The following CELF2 variants were observed in gnomAD, a reference collection of about 807,000 sequenced individuals.
CELF2 encodes CUG triplet repeat RNA-binding protein 2.
CELF2 carries 8 observed loss-of-function variants against 62.6 expected under a neutral mutation model. The ratio of observed to expected loss-of-function variants is 0.13; its 90% CI spans 0.07 to 0.23. The LOEUF (loss-of-function observed/expected upper bound fraction) is 0.23. CELF2 is among the 10% of genes least tolerant of loss of function. The pLI is 1.00. For missense variants in CELF2, 333 were observed against 671.0 expected, an observed-to-expected ratio of 0.50 and a Z score of 5.56; for synonymous variants, 258 against 250.0, an observed-to-expected ratio of 1.03 and a Z score of -0.30.
the CELF2 span, among the ~76,000 whole-genome samples, chr10:10,686,061 G>A: frequency 6.6e-6 from 1 of 152,068 alleles, no homozygotes; most frequent in Non-Finnish European, 1.5e-5. Context: ...GCTGCTTAAT[G>A]TGACAGGACA....
chr10:10,470,020 C>T, the CELF2 span, among the ~76,000 whole-genome samples: 1 of 151,770 alleles, frequency 6.6e-6, no homozygotes, highest in South Asian at 2.1e-4. Flanking sequence ...AGAAAATGCT[C>T]ATTGCAGAAT....
At chr10:11,193,630 C>T (rs1050528410) in intron 2 of CELF2, among the ~76,000 whole-genome samples, 2 of 152,166 alleles carry the variant, frequency 1.3e-5, no homozygotes, top group African/African-American at 2.4e-5. Context: ...GAGGAAGAGA[C>T]TTAAACCCAC....
At chr10:10,625,717 A>T in the CELF2 span, among the ~76,000 whole-genome samples, 1 of 152,108 alleles carries the variant, frequency 6.6e-6, no homozygotes, top group African/African-American at 2.4e-5. Context: ...CCTTCAATCC[A>T]GCTCTCCATT....
the CELF2 span, among the ~76,000 whole-genome samples, chr10:10,727,450 A>G: frequency 6.6e-6 from 1 of 152,152 alleles, no homozygotes; most frequent in African/African-American, 2.4e-5. Flanking sequence ...ATCATCATCC[A>G]CAACACAGAA....
the CELF2 span, among the ~76,000 whole-genome samples, chr10:10,695,660 T>C: frequency 6.6e-6 from 1 of 152,166 alleles, no homozygotes; most frequent in Non-Finnish European, 1.5e-5. Flanking sequence ...GACGTAGATT[T>C]GGTCTTTTCA....
chr10:10,777,964 C>G, the CELF2 span, among the ~76,000 whole-genome samples: 1 of 152,146 alleles, frequency 6.6e-6, no homozygotes, highest in Non-Finnish European at 1.5e-5. Context: ...TTGACAACTT[C>G]AGGTCTCATT....
chr10:10,481,084 C>T, the CELF2 span, among the ~76,000 whole-genome samples: 2 of 152,166 alleles, frequency 1.3e-5, no homozygotes, highest in Admixed American at 1.3e-4. Context: ...AAAGATCTTG[C>T]TCAGTGTTAG....
At chr10:10,759,391 C>A in the CELF2 span, among the ~76,000 whole-genome samples, 1 of 148,298 alleles carries the variant, frequency 6.7e-6, no homozygotes, top group Non-Finnish European at 1.5e-5. Flanking sequence ...CTCACTGCAA[C>A]CTCTGCCTCT....
intron 5 of CELF2, among the ~76,000 whole-genome samples, chr10:11,262,038 AT>A (rs141643469): frequency 1.6e-3 from 241 of 152,152 alleles, no homozygotes; most frequent in Middle Eastern, 3.4e-3. Context: ...AAGGAGTTTA[AT>A]TTTTTTCCCC....
chr10:10,865,927 C>T (rs1204113007), intron 1 of CELF2, among the ~76,000 whole-genome samples: 2 of 151,554 alleles, frequency 1.3e-5, no homozygotes, highest in African/African-American at 4.9e-5. Flanking sequence ...TAATTTTGTT[C>T]TAAGTGATCA....
At chr10:11,100,742 A>C (rs1375254483) in intron 1 of CELF2, among the ~76,000 whole-genome samples, 1 of 152,216 alleles carries the variant, frequency 6.6e-6, no homozygotes, top group African/African-American at 2.4e-5. Flanking sequence ...TTTAAAGCAC[A>C]GAACAATGTT....
chr10:11,056,763 A>G (rs2065340850), intron 1 of CELF2, among the ~76,000 whole-genome samples: 1 of 152,240 alleles, frequency 6.6e-6, no homozygotes, highest in Admixed American at 6.5e-5. Flanking sequence ...TGAAGAAGAT[A>G]CTAAGAGCCA....
At chr10:11,085,564 T>A (rs1375632951) in intron 1 of CELF2, among the ~76,000 whole-genome samples, 1 of 152,142 alleles carries the variant, frequency 6.6e-6, no homozygotes, top group African/African-American at 2.4e-5. Context: ...AGTGACCTTG[T>A]TATTGGTACT....
At chr10:10,781,379 C>T in the CELF2 span, among the ~76,000 whole-genome samples, 1 of 152,078 alleles carries the variant, frequency 6.6e-6, no homozygotes, top group Non-Finnish European at 1.5e-5. Context: ...ATACAGAAGA[C>T]TGGTTAATTT....
At chr10:11,154,874 G>C (rs672510) in intron 1 of CELF2, among the ~76,000 whole-genome samples, 3 of 151,932 alleles carry the variant, frequency 2.0e-5, no homozygotes, top group African/African-American at 7.3e-5. Context: ...TCCCGGACAA[G>C]ATGACAAAAA....
At chr10:10,897,531 T>C (rs897700757) in intron 1 of CELF2, among the ~76,000 whole-genome samples, 2 of 152,174 alleles carry the variant, frequency 1.3e-5, no homozygotes, top group Non-Finnish European at 2.9e-5. Context: ...TCTCAACCTA[T>C]CCAGATAATA....
rs953695863 is a variant in CELF2, at chr10:11,017,970, G to C, written c.-120G>C. On this transcript the variant is annotated 5_prime_UTR_variant, in exon 1 of 13. Coordinates refer to ENST00000633077, the MANE Select transcript of CELF2 (RefSeq NM_001326342.2). The surrounding 1 kb of genome is among the most constrained non-coding windows in gnomAD (Gnocchi z 5.5). ...GCGAGGAGAGAATGTGACAAGTGCCGGCTCGGCGGCCGCCGGGGGAGGCCG... is the reference window on the plus strand; with the variant it reads ...GCGAGGAGAGAATGTGACAAGTGCCCGCTCGGCGGCCGCCGGGGGAGGCCG... 2.7e-5 allele frequency: 27 copies of C among 988,630 alleles called. No homozygotes were observed. Among genetic ancestry groups the C allele is most frequent in the Non-Finnish European group, 3.2e-5 (27 of 833,548 alleles). 61.2% of individuals were successfully genotyped at this position (988,630 alleles called of 1,614,324 possible).
In CELF2 at chr10:11,321,477, A is replaced by C; in HGVS notation, c.1294+91A>C. The C allele has an allele frequency of 1.0e-6, 1 of 990,598 alleles. No homozygotes were observed. Among genetic ancestry groups the C allele is most frequent in the Non-Finnish European group, 1.5e-6 (1 of 678,522 alleles). The allele number at this position is 990,598 out of a possible 1,614,324, so 61.4% of individuals were successfully genotyped here. A position where few individuals can be genotyped will look rare whatever the true frequency, so the allele number is the denominator to read the frequency against. Reference sequence around the variant, plus strand: ...GTTAGAAGGTATCAAATTGAACTGAACCCATGTCATAACAGAAAGCAGTTG... The same window carrying C: ...GTTAGAAGGTATCAAATTGAACTGACCCCATGTCATAACAGAAAGCAGTTG... On this transcript the variant is annotated intron_variant, in intron 11 of 12. Coordinates refer to ENST00000633077, the MANE Select transcript of CELF2 (RefSeq NM_001326342.2). The surrounding 1 kb of genome is among the most constrained non-coding windows in gnomAD (Gnocchi z 6.2).
chr10:11,149,097 G>T (rs568154708), intron 1 of CELF2, among the ~76,000 whole-genome samples: 2 of 152,060 alleles, frequency 1.3e-5, no homozygotes, highest in South Asian at 2.1e-4. Flanking sequence ...CCAAGTCGGA[G>T]TCTCCTTCTG....
Sources: gnomAD v4.1 joint callset for allele counts (sites outside exome capture counted in the v4.1 genomes callset) on GRCh38, gnomAD v4.1.1 for gene constraint, Gnocchi (gnomAD v3.1) non-coding constraint, MANE v1.5 for transcripts, NCBI Gene and HGNC (gene_info 2026-07-23, HGNC 2026-07-21) for gene names.